SHISA9: variants seen among roughly 807,000 people sequenced by gnomAD.
The protein encoded by SHISA9 is protein shisa-9.
In SHISA9, 13 loss-of-function variants were observed where a neutral mutation model predicts 38.0. The observed-to-expected ratio is 0.34, with a 90% confidence interval of 0.22 to 0.54. The LOEUF (loss-of-function observed/expected upper bound fraction) is 0.54, where lower values mean the gene tolerates loss of function less well. Ranked by LOEUF, SHISA9 falls within the 20% of genes least tolerant of loss-of-function variation. SHISA9 has a pLI of 0.91. For missense variants in SHISA9, 538 were observed against 575.8 expected, an observed-to-expected ratio of 0.93 and a Z score of 0.67; for synonymous variants, 275 against 242.0, an observed-to-expected ratio of 1.14 and a Z score of -1.27.
chr16:13,418,764 C>A, the SHISA9 span, among the ~76,000 whole-genome samples: 1 of 152,202 alleles, frequency 6.6e-6, no homozygotes, highest in Non-Finnish European at 1.5e-5. Context: ...ACCATAAGGA[C>A]TATAAGTAAT....
chr16:13,556,076 G>A, the SHISA9 span, among the ~76,000 whole-genome samples: 1 of 152,158 alleles, frequency 6.6e-6, no homozygotes, highest in Non-Finnish European at 1.5e-5. Context: ...AGCCTAACCA[G>A]ACAAAGCCAC....
the SHISA9 span, among the ~76,000 whole-genome samples, chr16:13,525,145 GA>G: frequency 1.3e-5 from 2 of 152,168 alleles, no homozygotes; most frequent in Non-Finnish European, 2.9e-5. Flanking sequence ...TCAGTTCTAA[GA>G]ATTTGCATTT....
chr16:13,436,398 A>G, the SHISA9 span, among the ~76,000 whole-genome samples: 3 of 152,200 alleles, frequency 2.0e-5, no homozygotes, highest in African/African-American at 7.2e-5. Flanking sequence ...TGCCATGGCA[A>G]TGTCCATAAA....
At chr16:13,069,059 A>C (rs1331752212) in intron 2 of SHISA9, among the ~76,000 whole-genome samples, 2 of 150,820 alleles carry the variant, frequency 1.3e-5, no homozygotes, top group Admixed American at 1.3e-4. Flanking sequence ...CAATGTGTAT[A>C]TGTATGTGTG....
the SHISA9 span, among the ~76,000 whole-genome samples, chr16:13,384,992 A>G: frequency 6.6e-6 from 1 of 152,240 alleles, no homozygotes; most frequent in African/African-American, 2.4e-5. Flanking sequence ...CAAGCAAACA[A>G]TTCAATCAGA....
the SHISA9 span, among the ~76,000 whole-genome samples, chr16:13,487,291 C>G: frequency 6.6e-6 from 1 of 152,140 alleles, no homozygotes; most frequent in African/African-American, 2.4e-5. Flanking sequence ...GAGAAATACC[C>G]GAGACTCGGT....
the SHISA9 span, among the ~76,000 whole-genome samples, chr16:13,354,383 G>A: frequency 6.9e-6 from 1 of 144,200 alleles, no homozygotes; most frequent in Non-Finnish European, 1.5e-5. Context: ...GGGAAATGGG[G>A]TGAATGTCAG....
chr16:13,374,168 C>T, the SHISA9 span, among the ~76,000 whole-genome samples: 5 of 144,404 alleles, frequency 3.5e-5, no homozygotes, highest in African/African-American at 1.0e-4. Context: ...ATTTTTTTTT[C>T]TTTTTTTTTT....
At chr16:13,397,194 A>G in the SHISA9 span, among the ~76,000 whole-genome samples, 1 of 152,256 alleles carries the variant, frequency 6.6e-6, no homozygotes, top group Non-Finnish European at 1.5e-5. Flanking sequence ...TGTCTACGTA[A>G]TCAGTAAGTC....
intron 2 of SHISA9, among the ~76,000 whole-genome samples, chr16:13,118,287 G>T (rs1422102974): frequency 6.6e-6 from 1 of 152,046 alleles, no homozygotes; most frequent in South Asian, 2.1e-4. Context: ...ACACAGGAAG[G>T]TCAGGCAACC....
chr16:13,436,982 G>C, the SHISA9 span, among the ~76,000 whole-genome samples: 1 of 152,154 alleles, frequency 6.6e-6, no homozygotes, highest in African/African-American at 2.4e-5. Flanking sequence ...CAGGGGAACT[G>C]CCCTTTATAA....
the SHISA9 span, among the ~76,000 whole-genome samples, chr16:13,249,802 G>A: frequency 1.3e-5 from 2 of 151,980 alleles, no homozygotes; most frequent in African/African-American, 4.8e-5. Context: ...GTGGCATGTG[G>A]GCTCACAGCA....
the SHISA9 span, among the ~76,000 whole-genome samples, chr16:13,324,675 C>T: frequency 6.6e-6 from 1 of 152,092 alleles, no homozygotes; most frequent in African/African-American, 2.4e-5. Context: ...CAAAAAGTAT[C>T]TGAGGCAGTA....
chr16:13,313,305 G>T, the SHISA9 span, among the ~76,000 whole-genome samples: 1 of 149,334 alleles, frequency 6.7e-6, no homozygotes, highest in East Asian at 1.9e-4. Context: ...TCAAGGTTTA[G>T]ATATGTTATT....
chr16:12,910,599 C>A, intron 1 of SHISA9: 4 of 985,326 alleles, frequency 4.1e-6, no homozygotes, highest in African/African-American at 1.7e-5. Flanking sequence ...TCATTTCAAC[C>A]TCAAAAATGG....
chr16:13,402,252 A>C, the SHISA9 span, among the ~76,000 whole-genome samples: 1 of 152,140 alleles, frequency 6.6e-6, no homozygotes. Flanking sequence ...AGTGCAATTC[A>C]GTCTGAGTTC....
At chr16:13,437,530 C>G in the SHISA9 span, among the ~76,000 whole-genome samples, 1 of 152,126 alleles carries the variant, frequency 6.6e-6, no homozygotes, top group African/African-American at 2.4e-5. Context: ...CAGAGAAGCC[C>G]GGATGAGACC....
chr16:13,126,597 G>C (rs2050259009), intron 2 of SHISA9, among the ~76,000 whole-genome samples: 1 of 144,342 alleles, frequency 6.9e-6, no homozygotes. Context: ...GAGAGAAAGA[G>C]AGACAGGGAG....
intron 2 of SHISA9, among the ~76,000 whole-genome samples, chr16:12,936,366 T>C (rs999726483): frequency 1.3e-5 from 2 of 152,180 alleles, no homozygotes; most frequent in African/African-American, 4.8e-5. Flanking sequence ...GTTGGTCCAA[T>C]GTCATATTCT....
Sources: gnomAD v4.1 joint callset for allele counts (sites outside exome capture counted in the v4.1 genomes callset) on GRCh38, gnomAD v4.1.1 for gene constraint, MANE v1.5 for transcripts, NCBI Gene and HGNC (gene_info 2026-07-23, HGNC 2026-07-21) for gene names.